The following FSTL5 variants were observed in gnomAD, a reference collection of about 807,000 sequenced individuals.
FSTL5 encodes follistatin like 5, also known as follistatin-related protein 5.
Under a neutral mutation model 89.1 loss-of-function variants are expected in FSTL5, and 62 were observed. The ratio of observed to expected loss-of-function variants is 0.70; its 90% confidence interval spans 0.57 to 0.86. FSTL5 has a LOEUF of 0.86. FSTL5 is among the 40% of genes least tolerant of loss of function. FSTL5 has a pLI of 0.00. For missense variants in FSTL5, 1,057 were observed against 1,001.6 expected, an observed-to-expected ratio of 1.06 and a Z score of -0.75; for synonymous variants, 383 against 346.2, an observed-to-expected ratio of 1.11 and a Z score of -1.18.
At chr4:161,595,066 T>C (rs578196683) in intron 7 of FSTL5, among the ~76,000 whole-genome samples, 13 of 152,186 alleles carry the variant, frequency 8.5e-5, no homozygotes, top group Non-Finnish European at 1.5e-4. Context: ...TATATAATTC[T>C]TAACACATTC....
chr4:161,569,300 T>C (rs1732923675), intron 8 of FSTL5, among the ~76,000 whole-genome samples: 2 of 152,146 alleles, frequency 1.3e-5, no homozygotes, highest in Non-Finnish European at 2.9e-5. Context: ...ATGGCTGCCA[T>C]AAACATTTCT....
chr4:161,511,070 A>C (rs1350658366), intron 10 of FSTL5, among the ~76,000 whole-genome samples: 1 of 152,156 alleles, frequency 6.6e-6, no homozygotes, highest in Non-Finnish European at 1.5e-5. Context: ...TAATATATTA[A>C]GATAGAAATT....
In FSTL5 at chr4:161,854,036, C is replaced by T. The variant is rs962091513; in HGVS notation, c.409+66368G>A. Among the ~76,000 whole-genome samples the T allele has an allele frequency of 6.6e-5, 10 of 152,210 alleles. No homozygotes were observed. The East Asian group carries it at 1.9e-3, about 29-fold the overall frequency. On this transcript the variant is annotated intron_variant, in intron 4 of 15. Transcript: ENST00000306100. ...ATAATAAAAGCTATCATAACAGCAT[C>T]TATTTATATATGTAGATCATAACCT...
At chr4:161,670,874 A>G (rs750291133) in intron 6 of FSTL5, among the ~76,000 whole-genome samples, 1 of 152,202 alleles carries the variant, frequency 6.6e-6, no homozygotes, top group African/African-American at 2.4e-5. Flanking sequence ...TCAAAATCAC[A>G]GGATACCTTT....
At chr4:161,774,917 A>G (rs984683471) in intron 5 of FSTL5, among the ~76,000 whole-genome samples, 10 of 152,126 alleles carry the variant, frequency 6.6e-5, no homozygotes, top group Non-Finnish European at 1.2e-4. Flanking sequence ...GTAACTACAA[A>G]ATAAATGTGA....
At chr4:161,740,785 T>A (rs1297489913) in intron 6 of FSTL5, among the ~76,000 whole-genome samples, 2 of 152,208 alleles carry the variant, frequency 1.3e-5, no homozygotes, top group African/African-American at 2.4e-5. Flanking sequence ...TATGTCTTAG[T>A]CTGTTGGGCT....
At chr4:161,524,889 G>A (rs916823287) in intron 10 of FSTL5, among the ~76,000 whole-genome samples, 2 of 151,656 alleles carry the variant, frequency 1.3e-5, no homozygotes, top group Non-Finnish European at 2.9e-5. Flanking sequence ...ACCTGGGAGG[G>A]GGAGGTTGCA....
chr4:161,722,573 T>C (rs994889753), intron 6 of FSTL5, among the ~76,000 whole-genome samples: 1 of 152,212 alleles, frequency 6.6e-6, no homozygotes, highest in Admixed American at 6.5e-5. Flanking sequence ...TTCTGATGTA[T>C]GTAAATTGCA....
At chr4:162,113,813 TG>T (rs1044654053) in intron 1 of FSTL5, among the ~76,000 whole-genome samples, 12 of 152,188 alleles carry the variant, frequency 7.9e-5, no homozygotes, top group African/African-American at 2.9e-4. Context: ...CTGAGTTACT[TG>T]TTTTAGTTAC....
At chr4:161,474,079 A>C (rs757857119) in intron 13 of FSTL5, among the ~76,000 whole-genome samples, 17 of 152,018 alleles carry the variant, frequency 1.1e-4, no homozygotes, top group Non-Finnish European at 2.2e-4. Context: ...TTTTGTAATG[A>C]AATGTTTAAA....
intron 2 of FSTL5, among the ~76,000 whole-genome samples, chr4:162,073,262 G>T (rs1176364519): frequency 6.6e-6 from 1 of 151,558 alleles, no homozygotes; most frequent in Non-Finnish European, 1.5e-5. Flanking sequence ...GTGTGTGTAT[G>T]TATATTTTTA....
Position 162,104,425 on chromosome 4 carries a change from C to T in FSTL5, c.126+6846G>A, listed in dbSNP as rs371826142. Reference sequence around the variant, plus strand: ...AAGCCTCCGGCTACCATCTTGGAAGCGGCCCGCCACCATCTTGGGAGCTCT... The same window carrying T: ...AAGCCTCCGGCTACCATCTTGGAAGTGGCCCGCCACCATCTTGGGAGCTCT... On this transcript the variant is annotated intron_variant, in intron 2 of 15. Coordinates refer to ENST00000306100, the MANE Select transcript of FSTL5 (RefSeq NM_020116.5). Among the ~76,000 whole-genome samples, 162 of 152,304 alleles carry T rather than the reference C, an allele frequency of 1.1e-3. 1 individual carries two copies. The highest frequency in any genetic ancestry group is 3.7e-3 in the African/African-American group (155 of 41,574).
chr4:161,651,703 G>C (rs1301552333), intron 7 of FSTL5, among the ~76,000 whole-genome samples: 2 of 152,080 alleles, frequency 1.3e-5, no homozygotes, highest in East Asian at 3.9e-4. Flanking sequence ...TTACCGATAA[G>C]GGTGCTGAGA....
chr4:161,493,770 T>C (rs1462947782), intron 12 of FSTL5, among the ~76,000 whole-genome samples: 1 of 152,132 alleles, frequency 6.6e-6, no homozygotes, highest in Non-Finnish European at 1.5e-5. Context: ...ATTAGTCATA[T>C]AAAAATGTTG....
At chr4:161,493,714 G>A (rs1488337536) in intron 12 of FSTL5, among the ~76,000 whole-genome samples, 1 of 151,920 alleles carries the variant, frequency 6.6e-6, no homozygotes, top group Non-Finnish European at 1.5e-5. Context: ...ACGTTTATTT[G>A]TAAAGCGTGC....
intron 4 of FSTL5, among the ~76,000 whole-genome samples, chr4:161,893,575 A>G (rs1332606873): frequency 6.6e-6 from 1 of 152,156 alleles, no homozygotes; most frequent in Non-Finnish European, 1.5e-5. Flanking sequence ...GAAAAAAGTC[A>G]CTAAATGTCA....
chr4:161,705,165 T>C (rs1020726793), intron 6 of FSTL5, among the ~76,000 whole-genome samples: 6 of 152,084 alleles, frequency 3.9e-5, no homozygotes, highest in Non-Finnish European at 7.4e-5. Context: ...ATCTTATTCA[T>C]ATTTGCAATT....
intron 3 of FSTL5, among the ~76,000 whole-genome samples, chr4:161,997,882 G>A (rs1736346220): frequency 6.6e-6 from 1 of 152,132 alleles, no homozygotes; most frequent in Non-Finnish European, 1.5e-5. Flanking sequence ...GGGATTACAG[G>A]CGTGAGCCAC....
intron 1 of FSTL5, among the ~76,000 whole-genome samples, chr4:162,151,053 G>GA (rs1733205627): frequency 6.6e-6 from 1 of 152,096 alleles, no homozygotes; most frequent in African/African-American, 2.4e-5. Context: ...AATCAGGAAT[G>GA]AATAACACTA....
Sources: gnomAD v4.1 joint callset for allele counts (sites outside exome capture counted in the v4.1 genomes callset) on GRCh38, gnomAD v4.1.1 for gene constraint, MANE v1.5 for transcripts, NCBI Gene and HGNC (gene_info 2026-07-23, HGNC 2026-07-21) for gene names.